SNAP91: variants seen among roughly 807,000 people sequenced by gnomAD.
The protein encoded by SNAP91 is synaptosome associated protein 91, also known as clathrin coat assembly protein AP180.
A neutral mutation model predicts 100.3 loss-of-function variants in SNAP91; 27 were observed. The observed-to-expected ratio is 0.27, with a 90% CI of 0.20 to 0.37. The LOEUF (loss-of-function observed/expected upper bound fraction) is 0.37, where lower values mean the gene tolerates loss of function less well. SNAP91 is among the 10% of genes least tolerant of loss of function. The pLI is 1.00. For missense variants in SNAP91, 986 were observed against 1,123.7 expected (o/e 0.88, Z 1.75); for synonymous variants, 404 against 398.6 (o/e 1.01, Z -0.16).
At chr6:83,636,754 G>A (rs2097466625) in intron 8 of SNAP91, among the ~76,000 whole-genome samples, 1 of 152,202 alleles carries the variant, frequency 6.6e-6, no homozygotes, top group Admixed American at 6.5e-5. Flanking sequence ...CATTGCCTAA[G>A]TTCTTGAGCT....
At position 83,605,702 on chromosome 6, in the gene SNAP91, C is replaced by T. The variant is rs1261341157; in HGVS notation, c.1124G>A (p.Gly375Glu). Residue 375 changes from glycine (G) to glutamate (E), a missense_variant, in exon 14 of 30, where the codon GGA becomes GAA. Transcript: ENST00000369694. ...TTACTCACCTCCCCATGCAGTGGCT[C>T]CTCCAGCAGGTGGTGGTGGTGCTGG... is the stretch of plus-strand genomic sequence containing the variant. Reference protein sequence around the residue: ...AAPAPPPPAGGATAWGDLLGE... With the variant: ...AAPAPPPPAGEATAWGDLLGE... The T allele has an allele frequency of 1.3e-6, 2 of 1,551,972 alleles. No individual in the cohort carries two copies. Among genetic ancestry groups the T allele is most frequent in the Non-Finnish European group, 1.7e-6 (2 of 1,147,248 alleles).
chr6:83,686,304 T>C, intron 2 of SNAP91: 1 of 404,026 alleles, frequency 2.5e-6, no homozygotes, highest in Non-Finnish European at 3.4e-6. Context: ...TGACATGGAA[T>C]GCTCATCTGA....
chr6:83,704,478 C>T (rs2099354855), intron 2 of SNAP91, among the ~76,000 whole-genome samples: 1 of 152,080 alleles, frequency 6.6e-6, no homozygotes, highest in Admixed American at 6.6e-5. Context: ...GACCTTTTCA[C>T]CAGATATAAT....
chr6:83,684,609 A>C (rs1197651670), intron 2 of SNAP91, among the ~76,000 whole-genome samples: 1 of 152,168 alleles, frequency 6.6e-6, no homozygotes, highest in Non-Finnish European at 1.5e-5. Context: ...ATTTATTCAC[A>C]TATCTGTGCA....
intron 8 of SNAP91, among the ~76,000 whole-genome samples, chr6:83,626,973 G>A (rs1450529542): frequency 6.6e-6 from 1 of 151,944 alleles, no homozygotes; most frequent in African/African-American, 2.4e-5. Context: ...CTCATTCAGT[G>A]TGATGTTGGC....
Position 83,601,418 on chromosome 6 carries a change from A to T in SNAP91, c.1177T>A (p.Ser393Thr). Reference protein sequence around the residue: ...LGEDSLAALSSVPSEAQISDP... With the variant: ...LGEDSLAALSTVPSEAQISDP... ...GAAATCTGTGCTTCAGAGGGAACAG[A>T]GGAAAGTGCAGCCAAAGAATCTATA... The change falls in exon 16 of 30, where the codon TCT becomes ACT. Residue 393 changes from serine (S) to threonine (T), a missense_variant. Around this residue, in one of 4 missense-constraint regions of SNAP91, gnomAD observed 575 missense variants for 579.9 expected, o/e 0.99. Coordinates refer to ENST00000369694, the MANE Select transcript of SNAP91 (RefSeq NM_001242792.2). The T allele has an allele frequency of 6.2e-7, 1 of 1,613,672 alleles. No individual in the cohort carries two copies. The highest frequency in any genetic ancestry group is 8.5e-7 in the Non-Finnish European group (1 of 1,179,770).
intron 11 of SNAP91, among the ~76,000 whole-genome samples, chr6:83,612,212 T>C (rs1231942434): frequency 1.3e-5 from 2 of 152,144 alleles, no homozygotes; most frequent in African/African-American, 4.8e-5. Flanking sequence ...AAGAGTAATA[T>C]AGTCTATGAG....
chr6:83,619,025 C>CA (rs1359994625), intron 9 of SNAP91, among the ~76,000 whole-genome samples: 1 of 151,000 alleles, frequency 6.6e-6, no homozygotes, highest in Non-Finnish European at 1.5e-5. Context: ...AAAAACAAAA[C>CA]AAAAAACCCA....
intron 8 of SNAP91, among the ~76,000 whole-genome samples, chr6:83,626,408 A>G (rs1296466890): frequency 1.3e-5 from 2 of 151,952 alleles, no homozygotes; most frequent in African/African-American, 2.4e-5. Context: ...GATGTTGATA[A>G]TTTGATAGAC....
intron 16 of SNAP91, among the ~76,000 whole-genome samples, chr6:83,600,307 T>A (rs2095029868): frequency 6.6e-6 from 1 of 152,156 alleles, no homozygotes; most frequent in African/African-American, 2.4e-5. Context: ...TGACAGTGTG[T>A]TAAATGTATG....
intron 2 of SNAP91, among the ~76,000 whole-genome samples, chr6:83,684,257 C>T (rs2099030319): frequency 6.6e-6 from 1 of 152,142 alleles, no homozygotes; most frequent in Non-Finnish European, 1.5e-5. Flanking sequence ...TCACTCAAAT[C>T]ATGCTCTGAA....
intron 2 of SNAP91, among the ~76,000 whole-genome samples, chr6:83,674,676 G>A (rs560543190): frequency 1.1e-4 from 16 of 152,248 alleles, no homozygotes; most frequent in Non-Finnish European, 1.9e-4. Flanking sequence ...GTGTCTTCCT[G>A]TGGGATAAGA....
chr6:83,662,795 C>T (rs2098578675), intron 3 of SNAP91, among the ~76,000 whole-genome samples: 1 of 152,118 alleles, frequency 6.6e-6, no homozygotes, highest in Admixed American at 6.6e-5. Flanking sequence ...TGTTCCTTCT[C>T]CTAACATTTT....
chr6:83,563,445 T>A (rs769116217), intron 26 of SNAP91, among the ~76,000 whole-genome samples: 5 of 151,820 alleles, frequency 3.3e-5, no homozygotes, highest in Non-Finnish European at 5.9e-5. Flanking sequence ...TGAAAAAAAA[T>A]GACTGAAAAC....
At position 83,707,907 on chromosome 6, in the gene SNAP91, C is replaced by A; in HGVS notation, c.21G>T (p.Thr7=). Residue 7 remains threonine (T), a synonymous_variant, in exon 2 of 30, where the codon ACG becomes ACT. Coordinates refer to ENST00000369694, the MANE Select transcript of SNAP91 (RefSeq NM_001242792.2). ...TGTACTGAGCGGCGGCGATCCGATC[C>A]GTGAGCGTTTGGCCCGACATCTTCT... is the stretch of plus-strand genomic sequence containing the variant. The part of the protein sequence containing the change: MSGQTL[T]DRIAAAQYSV... The A allele has an allele frequency of 6.3e-7, 1 of 1,590,770 alleles. No homozygotes were observed. The highest frequency in any genetic ancestry group is 8.5e-7 in the Non-Finnish European group (1 of 1,172,294).
intron 2 of SNAP91, among the ~76,000 whole-genome samples, chr6:83,699,759 C>A (rs1211765704): frequency 1.3e-5 from 2 of 152,078 alleles, no homozygotes; most frequent in African/African-American, 4.8e-5. Context: ...AAGGACAAGA[C>A]AAACAGAAGA....
intron 7 of SNAP91, among the ~76,000 whole-genome samples, chr6:83,647,060 T>G (rs1476225302): frequency 6.8e-6 from 1 of 147,590 alleles, no homozygotes; most frequent in Admixed American, 7.0e-5. Flanking sequence ...TTGCTATAAT[T>G]GCTTATTAGT....
At chr6:83,678,427 C>T (rs905845072) in intron 2 of SNAP91, among the ~76,000 whole-genome samples, 9 of 151,786 alleles carry the variant, frequency 5.9e-5, no homozygotes, top group African/African-American at 2.2e-4. Flanking sequence ...AGAGTGCTCT[C>T]GAGCCATAAA....
rs1224951218 is a variant in SNAP91, at chr6:83,592,536, C to T, written c.1849G>A (p.Asp617Asn). The change falls in exon 21 of 30, where the codon GAT becomes AAT. Residue 617 changes from aspartate (D) to asparagine (N), a missense_variant and splice_region_variant. Asp to Asn is a conservative substitution (Grantham distance 23, BLOSUM62 1). Around this residue, in one of 4 missense-constraint regions of SNAP91, gnomAD observed 575 missense variants for 579.9 expected, o/e 0.99. Transcript: ENST00000369694. ...GCAGGAGATGGTGCTGCAAATGCAT[C>T]CACTGCAGTGAAGCACAGACAGGAA... ...SSLTADLLSV[D>N]AFAAPSPATT... 6.2e-7 allele frequency: 1 copy of T among 1,605,956 alleles called. No individual in the cohort carries two copies. The highest frequency in any genetic ancestry group is 8.5e-7 in the Non-Finnish European group (1 of 1,176,150).
Sources: allele counts gnomAD v4.1 joint callset (sites outside exome capture counted in the v4.1 genomes callset), GRCh38; gene constraint gnomAD v4.1.1; regional missense constraint gnomAD v4.1.1; transcripts MANE v1.5; gene names NCBI Gene and HGNC (gene_info 2026-07-23, HGNC 2026-07-21).